The following PPP6R2 variants were observed in gnomAD, a reference collection of about 807,000 sequenced individuals.
The protein encoded by PPP6R2 is serine/threonine-protein phosphatase 6 regulatory subunit 2.
A neutral mutation model predicts 100.2 loss-of-function variants in PPP6R2; 62 were observed. The observed-to-expected ratio is 0.62, with a 90% CI of 0.50 to 0.76. The LOEUF (loss-of-function observed/expected upper bound fraction) is 0.76. Among genes scored for constraint, PPP6R2 ranks in the 30% least tolerant of loss-of-function variants. The pLI is 0.00. For synonymous variants in PPP6R2, 525 were observed against 514.7 expected, an observed-to-expected ratio of 1.02 and a Z score of -0.27; for missense variants, 1,142 against 1,276.3, an observed-to-expected ratio of 0.89 and a Z score of 1.60.
At chr22:50,375,832 ATTTTTTTTTTTTT>A (rs557118142) in intron 2 of PPP6R2, among the ~76,000 whole-genome samples, 1 of 64,556 alleles carries the variant, frequency 1.5e-5, no homozygotes, top group East Asian at 4.7e-4. Flanking sequence ...ATCCCTGCAG[ATTTTTTTTTTTTT>A]TTTTTTTTTT....
intron 2 of PPP6R2, 170 bp from the exon 3 acceptor site, chr22:50,393,723 T>G: frequency 1.0e-6 from 1 of 985,324 alleles, no homozygotes. Context: ...TCCTGAGCTC[T>G]GGGAATCTTG....
chr22:50,413,816 G>T (rs1374565420), intron 4 of PPP6R2, among the ~76,000 whole-genome samples: 1 of 151,952 alleles, frequency 6.6e-6, no homozygotes, highest in Admixed American at 6.6e-5. Flanking sequence ...TGGAGGGCTG[G>T]GTCTACCCCA....
chr22:50,388,333 G>T (rs2054677287), intron 2 of PPP6R2, among the ~76,000 whole-genome samples: 1 of 150,510 alleles, frequency 6.6e-6, no homozygotes, highest in African/African-American at 2.5e-5. Flanking sequence ...GGTTGAGGCT[G>T]CAGTGTGCCA....
chr22:50,335,392 G>A, the PPP6R2 span, among the ~76,000 whole-genome samples: 2 of 149,376 alleles, frequency 1.3e-5, no homozygotes, highest in Non-Finnish European at 3.0e-5. Context: ...TAGTGACGGG[G>A]TTTCACCATA....
In PPP6R2 at chr22:50,440,897, C is replaced by G; in HGVS notation, c.2450C>G (p.Ser817Cys). Residue 817 changes from serine (S) to cysteine (C), a missense_variant, in exon 22 of 24, where the codon TCC (serine) becomes TGC (cysteine). Coordinates refer to ENST00000612753, the MANE Select transcript of PPP6R2 (RefSeq NM_001242898.2). ...CCCCTGCTGGCCTCTGACAGTAGCT[C>G]CTCTGGGGGCTCCCACAGCGAGGAT... ...KAPLLASDSS[S>C]SGGSHSEDGD... The G allele has an allele frequency of 1.9e-6, 3 of 1,613,832 alleles. No homozygotes were observed. Among genetic ancestry groups the G allele is most frequent in the Non-Finnish European group, 2.5e-6 (3 of 1,180,006 alleles).
At chr22:50,366,175 C>T (rs2048719621) in intron 1 of PPP6R2, among the ~76,000 whole-genome samples, 1 of 152,096 alleles carries the variant, frequency 6.6e-6, no homozygotes, top group East Asian at 1.9e-4. Context: ...AATTTTTAGT[C>T]TAGGGCTAGT....
intron 2 of PPP6R2, among the ~76,000 whole-genome samples, chr22:50,384,014 C>T (rs1602791790): frequency 1.5e-5 from 2 of 133,688 alleles, no homozygotes; most frequent in Non-Finnish European, 3.1e-5. Context: ...CCAGCCTGGG[C>T]GGCTGAGCGA....
chr22:50,418,811 G>A, intron 6 of PPP6R2, 56 bp from the exon 7 acceptor site: 1 of 1,375,624 alleles, frequency 7.3e-7, no homozygotes, highest in South Asian at 1.2e-5. Context: ...CAGCAGGGCT[G>A]GTCCTGCTGT....
At chr22:50,336,988 AT>A in the PPP6R2 span, among the ~76,000 whole-genome samples, 1 of 152,076 alleles carries the variant, frequency 6.6e-6, no homozygotes, top group African/African-American at 2.4e-5. Flanking sequence ...TGTTGATAAT[AT>A]TTTTATATCA....
chr22:50,406,281 TGAGAGGCCTGGA>T (rs1429287310), intron 3 of PPP6R2, among the ~76,000 whole-genome samples: 2 of 83,128 alleles, frequency 2.4e-5, no homozygotes, highest in Non-Finnish European at 4.7e-5. Context: ...TAGAGGGAGG[TGAGAGGCCTGGA>T]GAGAGGTGAG....
intron 2 of PPP6R2, chr22:50,393,413 G>T: frequency 1.0e-6 from 1 of 985,394 alleles, no homozygotes. Context: ...GAGATGTCCA[G>T]TGTTCACTCA....
chr22:50,345,394 C>T (rs1276423820), intron 1 of PPP6R2, among the ~76,000 whole-genome samples: 3 of 8,060 alleles, frequency 3.7e-4, no homozygotes, highest in African/African-American at 2.1e-3. Flanking sequence ...AGTGCCCCCT[C>T]CAGTCAGTTC....
chr22:50,366,961 A>G (rs1288470858), intron 1 of PPP6R2, among the ~76,000 whole-genome samples: 1 of 150,660 alleles, frequency 6.6e-6, no homozygotes, highest in Non-Finnish European at 1.5e-5. Context: ...TAGTGTCTTG[A>G]AAACCATTGC....
At chr22:50,363,075 T>C (rs770906916) in intron 1 of PPP6R2, among the ~76,000 whole-genome samples, 1 of 152,150 alleles carries the variant, frequency 6.6e-6, no homozygotes, top group Non-Finnish European at 1.5e-5. Context: ...AAGTTAATTA[T>C]AAACATGAAG....
At chr22:50,443,720 C>T (rs750757335) in intron 22 of PPP6R2, 146 bp from the exon 23 acceptor site, 3 of 1,185,836 alleles carry the variant, frequency 2.5e-6, no homozygotes, top group Non-Finnish European at 3.5e-6. Context: ...CAACCTGGGC[C>T]ACCCCACAAA....
intron 2 of PPP6R2, among the ~76,000 whole-genome samples, chr22:50,386,102 G>A (rs1473234025): frequency 6.6e-6 from 1 of 151,348 alleles, no homozygotes; most frequent in African/African-American, 2.4e-5. Flanking sequence ...TGGGATTACA[G>A]ACGTGAACCA....
chr22:50,433,415 G>C (rs2063556571), intron 12 of PPP6R2, among the ~76,000 whole-genome samples: 1 of 82,678 alleles, frequency 1.2e-5, no homozygotes, highest in Non-Finnish European at 2.5e-5. Context: ...AGGAGGGCTG[G>C]GGGCATGGAT....
chr22:50,434,996 G>A lies in PPP6R2; in HGVS notation c.1431G>A (p.Met477Ile). 1 of 1,606,360 alleles carries A rather than the reference G, an allele frequency of 6.2e-7. No individual in the cohort carries two copies. The change falls in exon 13 of 24, where the codon ATG (methionine) becomes ATA (isoleucine). Residue 477 changes from methionine (M) to isoleucine (I), a missense_variant. Transcript: ENST00000612753. The part of the protein sequence containing the change: ...QAAGGMRRGN[M>I]GHLTRIANAV... ...CGGGTGGCATGAGACGTGGGAACATGGGCCACCTCACACGGATCGCCAACG... is the reference window on the plus strand; with the variant it reads ...CGGGTGGCATGAGACGTGGGAACATAGGCCACCTCACACGGATCGCCAACG...
intron 21 of PPP6R2, among the ~76,000 whole-genome samples, chr22:50,440,318 C>G (rs551106710): frequency 6.6e-6 from 1 of 152,248 alleles, no homozygotes; most frequent in Admixed American, 6.5e-5. Flanking sequence ...CCCTGGATTC[C>G]GGACAGCAGC....
Sources: allele counts gnomAD v4.1 joint callset (sites outside exome capture counted in the v4.1 genomes callset), GRCh38; gene constraint gnomAD v4.1.1; transcripts MANE v1.5; gene names NCBI Gene and HGNC (gene_info 2026-07-23, HGNC 2026-07-21).